The following IQGAP1 variants were observed in gnomAD, a reference collection of about 807,000 sequenced individuals.
IQGAP1 encodes ras GTPase-activating-like protein IQGAP1.
Under a neutral mutation model 215.6 loss-of-function variants are expected in IQGAP1, and 66 were observed. The observed-to-expected ratio is 0.31, with a 90% CI of 0.25 to 0.38. IQGAP1 has a LOEUF of 0.38. Among genes scored for constraint, IQGAP1 ranks in the 10% least tolerant of loss-of-function variants. The pLI is 1.00. For missense variants in IQGAP1, 1,712 were observed against 1,997.1 expected (o/e 0.86, Z 2.72); for synonymous variants, 772 against 728.7 (o/e 1.06, Z -0.96).
At position 90,467,570 on chromosome 15, in the gene IQGAP1, A is replaced by T; in HGVS notation, c.2156A>T (p.Gln719Leu). Residue 719 changes from glutamine (Q) to leucine (L), a missense_variant, in exon 18 of 38, where the codon CAG (glutamine) becomes CTG (leucine). Physicochemically the swap from Gln to Leu is moderately radical, Grantham distance 113. Around this residue, in one of 2 missense-constraint regions of IQGAP1, gnomAD observed 1,021 missense variants for 1,074.2 expected, o/e 0.95. Transcript: ENST00000268182. ...EPPNFVQNSM[Q>L]LSREEIQSSI... ...CCAAATTTTGTGCAAAATTCTATGC[A>T]GCTTTCTCGGGAGGAGATCCAGGTA... The T allele has an allele frequency of 6.2e-7, 1 of 1,611,660 alleles. No homozygotes were observed. The highest frequency in any genetic ancestry group is 1.1e-5 in the South Asian group (1 of 90,566).
At position 90,483,506 on chromosome 15, in the gene IQGAP1, A is replaced by T. The variant is rs1966086294; in HGVS notation, c.3701A>T (p.His1234Leu). The change falls in exon 29 of 38, where the codon CAT (histidine) becomes CTT (leucine). Residue 1234 changes from histidine (H) to leucine (L), a missense_variant. Physicochemically the swap from His to Leu is moderately conservative, Grantham distance 99 (BLOSUM62 -3). This residue lies in a region of IQGAP1 where 691 missense variants were observed against 923.0 expected (regional missense o/e 0.75). Transcript: ENST00000268182. Reference sequence around the variant, plus strand: ...GGCTCCATTGCAAAAATGCTTCAGCATGCTGCTTCCAATAAGATGTTTCTG... The same window carrying T: ...GGCTCCATTGCAAAAATGCTTCAGCTTGCTGCTTCCAATAAGATGTTTCTG... ...NLGSIAKMLQ[H>L]AASNKMFLGD... 2 of 1,614,258 alleles carry T rather than the reference A, an allele frequency of 1.2e-6. No individual in the cohort carries two copies. Among genetic ancestry groups the T allele is most frequent in the Non-Finnish European group, 1.7e-6 (2 of 1,180,050 alleles).
chr15:90,496,295 C>T (rs11636089), intron 36 of IQGAP1, among the ~76,000 whole-genome samples: 78,923 of 138,816 alleles, frequency 0.57, 23,458 homozygotes, highest in East Asian at 0.84. Flanking sequence ...ATCCAGAGAA[C>T]AGCATAATCC....
intron 15 of IQGAP1, among the ~76,000 whole-genome samples, chr15:90,463,316 C>T (rs74700019): frequency 0.014 from 2,140 of 152,344 alleles, 41 homozygotes; most frequent in African/African-American, 0.048. Context: ...TGCTAAGTCT[C>T]ACAACTTTGC....
rs954289463 is a variant in IQGAP1 at position 90,487,179 on chromosome 15, G to A, written c.4160+90G>A. The stretch of plus-strand genomic sequence containing the variant: ...GAACCTGCTGGGTCCTACCTGAAAT[G>A]ACCATCCTGACCTCTCGTACTTGTC... On this transcript the variant is annotated intron_variant, in intron 32 of 37. Transcript: ENST00000268182. The A allele has an allele frequency of 5.7e-6, 7 of 1,222,686 alleles. No individual in the cohort carries two copies. The African/African-American group carries it at 7.5e-5, about 13-fold the overall frequency. The allele number at this position is 1,222,686 out of a possible 1,614,324, so 75.7% of individuals were successfully genotyped here.
At chr15:90,469,822 A>G (rs1247078712) in intron 18 of IQGAP1, among the ~76,000 whole-genome samples, 1 of 151,728 alleles carries the variant, frequency 6.6e-6, no homozygotes, top group Admixed American at 6.6e-5. Context: ...AGTAGGAGAG[A>G]AAATAGAAAA....
chr15:90,474,105 C>T lies in IQGAP1; in HGVS notation c.2547C>T (p.Asn849=), dbSNP rs775422174. 3.7e-6 allele frequency: 6 copies of T among 1,613,316 alleles called. 1 individual carries two copies. The highest frequency in any genetic ancestry group is 1.7e-4 in the Middle Eastern group (1 of 6,054). Residue 849 remains asparagine (N), a synonymous_variant, in exon 22 of 38, where the codon AAC becomes AAT. Transcript: ENST00000268182. The part of the protein sequence containing the change: ...IIKIQAFIRA[N]KARDDYKTLI... ...AAATCCAGGCTTTTATTCGGGCAAACAAAGCTCGGGATGACTACAAGACTC... is the reference window on the plus strand; with the variant it reads ...AAATCCAGGCTTTTATTCGGGCAAATAAAGCTCGGGATGACTACAAGACTC...
In IQGAP1 at chr15:90,477,743, T is replaced by C. The variant is rs1401177229; in HGVS notation, c.3183T>C (p.Gly1061=). The C allele has an allele frequency of 1.9e-6, 3 of 1,614,030 alleles. No individual in the cohort carries two copies. The highest frequency in any genetic ancestry group is 1.7e-5 in the Admixed American group (1 of 59,990). Reference sequence around the variant, plus strand: ...AAATGGTTGTAAGTTTCAACCGTGGTGCCCGTGGCCAGAATGCCCTGAGAC... The same window carrying C: ...AAATGGTTGTAAGTTTCAACCGTGGCGCCCGTGGCCAGAATGCCCTGAGAC... ...VIKMVVSFNR[G]ARGQNALRQI... The change falls in exon 26 of 38, where the codon GGT becomes GGC. Residue 1061 remains glycine (G), a synonymous_variant. Coordinates refer to ENST00000268182, the MANE Select transcript of IQGAP1 (RefSeq NM_003870.4).
At chr15:90,441,055 C>T (rs1044850050) in intron 7 of IQGAP1, among the ~76,000 whole-genome samples, 6 of 151,050 alleles carry the variant, frequency 4.0e-5, no homozygotes, top group Admixed American at 6.6e-5. Flanking sequence ...TGCAGTGAGC[C>T]GAGATCATGC....
chr15:90,461,738 G>A (rs1596278251), intron 15 of IQGAP1, among the ~76,000 whole-genome samples: 1 of 151,658 alleles, frequency 6.6e-6, no homozygotes, highest in South Asian at 2.1e-4. Context: ...GAGGCAGGAG[G>A]ATTGCTTGAA....
At chr15:90,436,178 C>G (rs2238321) in intron 5 of IQGAP1, among the ~76,000 whole-genome samples, 5 of 151,672 alleles carry the variant, frequency 3.3e-5, no homozygotes, top group Non-Finnish European at 7.4e-5. Context: ...GATAAGACCC[C>G]AGTTTTCCAT....
chr15:90,426,810 G>A (rs955562772), intron 3 of IQGAP1, among the ~76,000 whole-genome samples: 41 of 151,836 alleles, frequency 2.7e-4, no homozygotes, highest in African/African-American at 8.7e-4. Flanking sequence ...AAAATTAGCC[G>A]GGCGTGGTGG....
Position 90,452,891 on chromosome 15 carries a change from G to A in IQGAP1, c.1279G>A (p.Asp427Asn), listed in dbSNP as rs375355779. The change falls in exon 12 of 38, where the codon GAT (aspartate) becomes AAT (asparagine). Residue 427 changes from aspartate (D) to asparagine (N), a missense_variant. By Grantham distance (23) the Asp-to-Asn change is conservative. Around this residue, in one of 2 missense-constraint regions of IQGAP1, gnomAD observed 1,021 missense variants for 1,074.2 expected, o/e 0.95. Transcript: ENST00000268182. ...GCCCCAGGTGTATCCATTTGCCGCC[G>A]ATCTCTATCAGAAGGAGCTGGCTAC... The part of the protein sequence containing the change: ...QLPQVYPFAA[D>N]LYQKELATLQ... 2.9e-5 allele frequency: 46 copies of A among 1,613,956 alleles called. No homozygotes were observed. The highest frequency in any genetic ancestry group is 4.5e-5 in the East Asian group (2 of 44,900).
chr15:90,393,106 TAA>T lies in IQGAP1; in HGVS notation c.155+2247_155+2248del, dbSNP rs11359516. On this transcript the variant is annotated intron_variant, in intron 2 of 37. Coordinates refer to ENST00000268182, the MANE Select transcript of IQGAP1 (RefSeq NM_003870.4). ...GTGCATTAGAATCACCTGGGGAACT[TAA>T]AAAAAAAAAAAAATACACCTATCTG... Among the ~76,000 whole-genome samples, 423 of 143,854 alleles carry T rather than the reference TAA, an allele frequency of 2.9e-3. 1 individual carries two copies. Among genetic ancestry groups the T allele is most frequent in the African/African-American group, 5.5e-3 (215 of 38,998 alleles). 94.4% of individuals were successfully genotyped at this position (143,854 alleles called of 152,430 possible).
chr15:90,484,992 T>C (rs1966107087), intron 30 of IQGAP1, among the ~76,000 whole-genome samples: 1 of 152,218 alleles, frequency 6.6e-6, no homozygotes, highest in Admixed American at 6.5e-5. Flanking sequence ...CTTTTACTCT[T>C]CTTTCTTTTT....
In IQGAP1 at chr15:90,499,972, GTTTT is replaced by G; in HGVS notation, c.4861-22_4861-19del. On this transcript the variant is annotated intron_variant, in intron 37 of 37. Coordinates refer to ENST00000268182, the MANE Select transcript of IQGAP1 (RefSeq NM_003870.4). Reference sequence around the variant, plus strand: ...ATTAACTGTCAAAATGTTTTGTTTTGTTTTGTTTTGTTTTGTTAATAGGACCTGC... The same window carrying G: ...ATTAACTGTCAAAATGTTTTGTTTTGGTTTTGTTTTGTTAATAGGACCTGC... The G allele has an allele frequency of 7.5e-7, 1 of 1,339,986 alleles. No individual in the cohort carries two copies. The highest frequency in any genetic ancestry group is 1.1e-6 in the Non-Finnish European group (1 of 932,684). 83.0% of individuals were successfully genotyped at this position (1,339,986 alleles called of 1,614,324 possible).
Position 90,453,288 on chromosome 15 carries a change from C to A in IQGAP1, c.1483C>A (p.Gln495Lys). The A allele has an allele frequency of 6.2e-7, 1 of 1,610,336 alleles. No individual in the cohort carries two copies. Among genetic ancestry groups the A allele is most frequent in the South Asian group, 1.1e-5 (1 of 90,456 alleles). ...TACCAATATTGAGGAAGAAAACTGTCAGAGGTGGGTGTCCAGAGTGAAGGG... is the reference window on the plus strand; with the variant it reads ...TACCAATATTGAGGAAGAAAACTGTAAGAGGTGGGTGTCCAGAGTGAAGGG... ...GLTNIEEENC[Q>K]RYLDELMKLK... Residue 495 changes from glutamine (Q) to lysine (K), a missense_variant, in exon 13 of 38, where the codon CAG becomes AAG. Gln to Lys is a moderately conservative substitution (Grantham distance 53). This residue lies in a region of IQGAP1 where 1,021 missense variants were observed against 1,074.2 expected (regional missense o/e 0.95). Transcript: ENST00000268182.
At chr15:90,414,431 T>C (rs1366942805) in intron 2 of IQGAP1, among the ~76,000 whole-genome samples, 1 of 152,186 alleles carries the variant, frequency 6.6e-6, no homozygotes, top group African/African-American at 2.4e-5. Flanking sequence ...TGGACTCCTG[T>C]GTCACCACTC....
intron 15 of IQGAP1, among the ~76,000 whole-genome samples, chr15:90,463,333 C>A (rs866276963): frequency 5.3e-5 from 8 of 152,236 alleles, no homozygotes; most frequent in South Asian, 2.1e-4. Context: ...TTGCTTACAG[C>A]AGATTCTGCT....
intron 18 of IQGAP1, among the ~76,000 whole-genome samples, chr15:90,471,188 C>T (rs1490861368): frequency 6.6e-6 from 1 of 152,114 alleles, no homozygotes; most frequent in Non-Finnish European, 1.5e-5. Context: ...ATTTTTATCT[C>T]ACATGAAATG....
Sources: allele counts gnomAD v4.1 joint callset (sites outside exome capture counted in the v4.1 genomes callset), GRCh38; gene constraint gnomAD v4.1.1; regional missense constraint gnomAD v4.1.1; transcripts MANE v1.5; gene names NCBI Gene and HGNC (gene_info 2026-07-23, HGNC 2026-07-21).